Variants in MSRA observed in about 807,000 individuals in gnomAD.
MSRA encodes methionine sulfoxide reductase A.
Under a neutral mutation model 31.3 loss-of-function variants are expected in MSRA, and 54 were observed. That is an observed-to-expected ratio of 1.73 (90% CI 1.39 to 2.17). The LOEUF is 2.17. Ranked by LOEUF, MSRA falls within the 30% of genes most tolerant of loss-of-function variation. MSRA has a pLI of 0.00. For missense variants in MSRA, 507 were observed against 300.9 expected, an observed-to-expected ratio of 1.69 and a Z score of -5.07; for synonymous variants, 169 against 116.5, an observed-to-expected ratio of 1.45 and a Z score of -2.90.
At chr8:10,385,983 C>A (rs1233194085) in intron 5 of MSRA, among the ~76,000 whole-genome samples, 2 of 152,076 alleles carry the variant, frequency 1.3e-5, no homozygotes, top group Non-Finnish European at 2.9e-5. Flanking sequence ...AGCGCCCCTT[C>A]CTTCATCATA....
At chr8:10,404,911 C>G (rs1019331330) in intron 5 of MSRA, among the ~76,000 whole-genome samples, 1 of 152,190 alleles carries the variant, frequency 6.6e-6, no homozygotes, top group Non-Finnish European at 1.5e-5. Context: ...CAGCTGTGCA[C>G]CCACTGCTCC....
chr8:10,296,726 T>C (rs532252607), intron 3 of MSRA, among the ~76,000 whole-genome samples: 1 of 152,304 alleles, frequency 6.6e-6, no homozygotes, highest in East Asian at 1.9e-4. Flanking sequence ...CCCCCCAGCA[T>C]GGGTGTGGGT....
At chr8:10,301,799 A>G (rs1007851161) in intron 4 of MSRA, among the ~76,000 whole-genome samples, 161 bp downstream of exon 4, 5 of 152,156 alleles carry the variant, frequency 3.3e-5, no homozygotes, top group Non-Finnish European at 7.3e-5. Flanking sequence ...CTGGGGAGAA[A>G]AAGGGTGAGA....
intron 5 of MSRA, among the ~76,000 whole-genome samples, chr8:10,421,067 G>C (rs529800805): frequency 7.7e-4 from 117 of 152,194 alleles, no homozygotes; most frequent in African/African-American, 2.7e-3. Flanking sequence ...TGAGTCCCGG[G>C]GATGTGAGCT....
At chr8:10,105,811 C>G (rs1226216558) in intron 1 of MSRA, among the ~76,000 whole-genome samples, 2 of 152,168 alleles carry the variant, frequency 1.3e-5, no homozygotes, top group African/African-American at 2.4e-5. Context: ...AGCACTTATT[C>G]ACCGACTTTG....
At chr8:10,173,325 G>A (rs1805760719) in intron 1 of MSRA, among the ~76,000 whole-genome samples, 1 of 152,216 alleles carries the variant, frequency 6.6e-6, no homozygotes, top group Non-Finnish European at 1.5e-5. Flanking sequence ...ATCACACCCA[G>A]TTACTGTGAA....
chr8:10,228,615 G>T (rs1353186458), intron 2 of MSRA, among the ~76,000 whole-genome samples: 4 of 152,178 alleles, frequency 2.6e-5, no homozygotes, highest in Non-Finnish European at 5.9e-5. Flanking sequence ...ACCAGCTTCT[G>T]ACGTTGTTTC....
intron 1 of MSRA, among the ~76,000 whole-genome samples, chr8:10,179,741 G>T (rs1052717041): frequency 6.6e-6 from 1 of 152,212 alleles, no homozygotes; most frequent in Non-Finnish European, 1.5e-5. Context: ...GTGTAAAATG[G>T]AGAGGATGCT....
chr8:10,424,006 G>C (rs966536232), intron 5 of MSRA, among the ~76,000 whole-genome samples: 3 of 152,232 alleles, frequency 2.0e-5, no homozygotes, highest in Non-Finnish European at 4.4e-5. Context: ...AAGTGGCTTG[G>C]AGAACAGAAG....
intron 1 of MSRA, among the ~76,000 whole-genome samples, chr8:10,198,971 G>A (rs1393919335): frequency 2.6e-5 from 4 of 152,168 alleles, no homozygotes; most frequent in South Asian, 2.1e-4. Flanking sequence ...CATTGTTTTC[G>A]CAAGTTTGCC....
chr8:10,229,693 A>G (rs903687486), intron 2 of MSRA, among the ~76,000 whole-genome samples: 1 of 152,050 alleles, frequency 6.6e-6, no homozygotes, highest in African/African-American at 2.4e-5. Context: ...CTTTACTCCT[A>G]GTTTATAGAT....
intron 1 of MSRA, among the ~76,000 whole-genome samples, chr8:10,168,051 G>C (rs1227430033): frequency 6.6e-6 from 1 of 152,142 alleles, no homozygotes; most frequent in African/African-American, 2.4e-5. Flanking sequence ...AGTTTGGGTT[G>C]CAATCTCATC....
chr8:10,335,163 G>T (rs916373258), intron 5 of MSRA, among the ~76,000 whole-genome samples: 1 of 151,766 alleles, frequency 6.6e-6, no homozygotes, highest in Non-Finnish European at 1.5e-5. Context: ...GCTTCTCCAT[G>T]GAATGGGAAG....
intron 2 of MSRA, among the ~76,000 whole-genome samples, chr8:10,238,209 G>A (rs1299190162): frequency 6.6e-6 from 1 of 152,118 alleles, no homozygotes; most frequent in Non-Finnish European, 1.5e-5. Flanking sequence ...CCCTTGCTGG[G>A]GATATCTGAA....
chr8:10,162,760 G>A (rs1235137579), intron 1 of MSRA, among the ~76,000 whole-genome samples: 1 of 152,172 alleles, frequency 6.6e-6, no homozygotes, highest in East Asian at 1.9e-4. Context: ...CTAAGAGGTA[G>A]GCACTGAAAC....
intron 1 of MSRA, among the ~76,000 whole-genome samples, chr8:10,094,608 A>G (rs1167174180): frequency 6.6e-6 from 1 of 152,232 alleles, no homozygotes; most frequent in Non-Finnish European, 1.5e-5. Flanking sequence ...ATCAAGGACT[A>G]GAAGTCACTT....
intron 1 of MSRA, among the ~76,000 whole-genome samples, chr8:10,082,107 G>A (rs1191961839): frequency 6.6e-6 from 1 of 152,128 alleles, no homozygotes; most frequent in Non-Finnish European, 1.5e-5. Context: ...TTAGGAGGCT[G>A]AGGCAGGAAG....
chr8:10,189,555 A>G (rs1182667881), intron 1 of MSRA, among the ~76,000 whole-genome samples: 2 of 152,136 alleles, frequency 1.3e-5, no homozygotes, highest in Admixed American at 6.5e-5. Context: ...TAGGTATTGA[A>G]TTGTATCAAA....
intron 1 of MSRA, among the ~76,000 whole-genome samples, chr8:10,063,607 T>G (rs753589142): frequency 2.6e-5 from 4 of 152,118 alleles, no homozygotes; most frequent in Non-Finnish European, 5.9e-5. Context: ...AGGTGATTAG[T>G]CATGAGGGTG....
Sources: allele counts gnomAD v4.1 joint callset (sites outside exome capture counted in the v4.1 genomes callset), GRCh38; gene constraint gnomAD v4.1.1; transcripts MANE v1.5; gene names NCBI Gene and HGNC (gene_info 2026-07-23, HGNC 2026-07-21).